The following NLGN1 variants were observed in gnomAD, a reference collection of about 807,000 sequenced individuals.
NLGN1 encodes neuroligin-1.
In NLGN1, 12 loss-of-function variants were observed where a neutral mutation model predicts 65.5. The ratio of observed to expected loss-of-function variants is 0.18; its 90% CI spans 0.12 to 0.30. The LOEUF is 0.30. Ranked by LOEUF, NLGN1 falls within the 10% of genes least tolerant of loss-of-function variation. The probability of loss-of-function intolerance (pLI) is 1.00; values close to 1 mark genes in which losing one functional copy is unlikely to be tolerated. For missense variants in NLGN1, 750 were observed against 1,007.1 expected (o/e 0.74, Z 3.46); for synonymous variants, 350 against 359.5 (o/e 0.97, Z 0.30).
intron 4 of NLGN1, among the ~76,000 whole-genome samples, chr3:173,859,251 C>A (rs1728612146): frequency 6.6e-6 from 1 of 152,084 alleles, no homozygotes; most frequent in Non-Finnish European, 1.5e-5. Flanking sequence ...TAATAACTAA[C>A]TATGAAAACT....
At chr3:173,740,779 T>G (rs976361150) in intron 3 of NLGN1, among the ~76,000 whole-genome samples, 1 of 152,020 alleles carries the variant, frequency 6.6e-6, no homozygotes, top group Non-Finnish European at 1.5e-5. Context: ...TGATGAAAGA[T>G]TTTGGAATTG....
At chr3:174,212,071 G>T (rs952082080) in intron 4 of NLGN1, among the ~76,000 whole-genome samples, 22 of 152,184 alleles carry the variant, frequency 1.4e-4, no homozygotes, top group Non-Finnish European at 2.9e-4. Flanking sequence ...CACGGAGGCG[G>T]GGGAAGGCTC....
chr3:174,100,900 GGT>G (rs1712292588), intron 4 of NLGN1, among the ~76,000 whole-genome samples: 1 of 151,158 alleles, frequency 6.6e-6, no homozygotes, highest in South Asian at 2.1e-4. Flanking sequence ...CTCACAATGG[GGT>G]GTGTCATCCT....
chr3:173,527,143 A>G (rs1735781141), intron 2 of NLGN1, among the ~76,000 whole-genome samples: 1 of 152,132 alleles, frequency 6.6e-6, no homozygotes, highest in Non-Finnish European at 1.5e-5. Flanking sequence ...AGGAACCTCT[A>G]CACCTTTCTC....
intron 4 of NLGN1, among the ~76,000 whole-genome samples, chr3:173,899,819 AC>A (rs981168185): frequency 6.6e-6 from 1 of 152,096 alleles, no homozygotes; most frequent in African/African-American, 2.4e-5. Context: ...GGACTGAATG[AC>A]ACTTATTTTT....
At chr3:173,511,261 G>A (rs59573579) in intron 2 of NLGN1, among the ~76,000 whole-genome samples, 15,096 of 151,948 alleles carry the variant, frequency 0.099, 1,341 homozygotes, top group African/African-American at 0.24. Flanking sequence ...CCTGTTTTAG[G>A]TTCACAGCAA....
At chr3:173,419,152 T>G (rs1024703083) in intron 1 of NLGN1, among the ~76,000 whole-genome samples, 12 of 150,916 alleles carry the variant, frequency 8.0e-5, no homozygotes, top group Middle Eastern at 3.5e-3. Context: ...CAGGTTTACT[T>G]TCGATAAAAC....
intron 4 of NLGN1, among the ~76,000 whole-genome samples, chr3:174,238,995 A>G (rs1742284869): frequency 6.6e-6 from 1 of 152,186 alleles, no homozygotes; most frequent in African/African-American, 2.4e-5. Context: ...GGAGCTCATT[A>G]GACATCCATT....
At chr3:173,753,351 G>A (rs1029473083) in intron 3 of NLGN1, among the ~76,000 whole-genome samples, 1 of 151,988 alleles carries the variant, frequency 6.6e-6, no homozygotes, top group African/African-American at 2.4e-5. Flanking sequence ...TTCTATATTT[G>A]TTTCATGGTC....
chr3:173,756,777 AAC>A (rs200537028), intron 3 of NLGN1, among the ~76,000 whole-genome samples: 2 of 151,562 alleles, frequency 1.3e-5, no homozygotes, highest in Non-Finnish European at 2.9e-5. Context: ...AAAAAAAAAA[AAC>A]CCAGAAACAC....
At position 174,209,852 on chromosome 3, in the gene NLGN1, C is replaced by T. The variant is rs139566438; in HGVS notation, c.647-65463C>T. Among the ~76,000 whole-genome samples the T allele has an allele frequency of 2.9e-3, 442 of 151,670 alleles. 1 individual carries two copies. Among genetic ancestry groups the T allele is most frequent in the African/African-American group, 0.01 (419 of 41,340 alleles). ...TGCGCCATGTTGGCCAGGCTGGTCT[C>T]GAACTCCTAGCCTCGTGATCCACCC... On this transcript the variant is annotated intron_variant, in intron 4 of 6. Coordinates refer to ENST00000457714, the Ensembl canonical transcript of NLGN1.
At chr3:174,090,192 C>T (rs758471539) in intron 4 of NLGN1, among the ~76,000 whole-genome samples, 3 of 151,942 alleles carry the variant, frequency 2.0e-5, no homozygotes, top group Non-Finnish European at 2.9e-5. Flanking sequence ...GACTAAGGTC[C>T]GGGCGAGGTG....
At chr3:174,270,116 GTTTCC>G (rs1275045922) in intron 4 of NLGN1, among the ~76,000 whole-genome samples, 26 of 113,772 alleles carry the variant, frequency 2.3e-4, no homozygotes, top group Non-Finnish European at 2.5e-4. Context: ...CATTCTGTTG[GTTTCC>G]TTTCTTTTTT....
intron 4 of NLGN1, among the ~76,000 whole-genome samples, chr3:174,050,138 T>C (rs1734498341): frequency 6.6e-6 from 1 of 152,066 alleles, no homozygotes; most frequent in Non-Finnish European, 1.5e-5. Context: ...TCAAAAGTGA[T>C]CAACACATAC....
intron 4 of NLGN1, among the ~76,000 whole-genome samples, chr3:173,903,817 G>T (rs530230422): frequency 6.6e-6 from 1 of 152,258 alleles, no homozygotes; most frequent in African/African-American, 2.4e-5. Context: ...CAAATTCCTT[G>T]AAATACTGTC....
chr3:173,795,634 T>C (rs1234173018), intron 3 of NLGN1, among the ~76,000 whole-genome samples: 1 of 152,102 alleles, frequency 6.6e-6, no homozygotes, highest in Non-Finnish European at 1.5e-5. Flanking sequence ...CCATTGTGTT[T>C]TAATGTTTGT....
intron 3 of NLGN1, among the ~76,000 whole-genome samples, chr3:173,783,911 T>C (rs1338633397): frequency 6.6e-6 from 1 of 152,150 alleles, no homozygotes; most frequent in African/African-American, 2.4e-5. Flanking sequence ...CAATGTTTTT[T>C]TGAAGAGATC....
At chr3:173,718,768 TA>T (rs1770307092) in intron 3 of NLGN1, among the ~76,000 whole-genome samples, 1 of 152,176 alleles carries the variant, frequency 6.6e-6, no homozygotes, top group Non-Finnish European at 1.5e-5. Context: ...TGTTTCAAAA[TA>T]AGTGGTAACA....
intron 4 of NLGN1, among the ~76,000 whole-genome samples, chr3:173,864,895 A>C (rs1021204865): frequency 6.6e-6 from 1 of 152,228 alleles, no homozygotes; most frequent in African/African-American, 2.4e-5. Context: ...ACCTAGAATG[A>C]GAACATCTAA....
Sources: gnomAD v4.1 joint callset for allele counts (sites outside exome capture counted in the v4.1 genomes callset) on GRCh38, gnomAD v4.1.1 for gene constraint, MANE v1.5 for transcripts, NCBI Gene and HGNC (gene_info 2026-07-23, HGNC 2026-07-21) for gene names.